The following SETD5 variants were observed in gnomAD, a reference collection of about 807,000 sequenced individuals.
SETD5 encodes SET domain containing 5, also known as histone-lysine N-methyltransferase SETD5.
A neutral mutation model predicts 153.3 loss-of-function variants in SETD5; 44 were observed. The observed-to-expected ratio is 0.29, with a 90% CI of 0.23 to 0.37. The LOEUF is 0.37. Ranked by LOEUF, SETD5 falls within the 10% of genes least tolerant of loss-of-function variation. The pLI, the probability that SETD5 is intolerant of heterozygous loss-of-function variation, is 1.00. For missense variants in SETD5, 1,544 were observed against 1,768.0 expected (o/e 0.87, Z 2.27); for synonymous variants, 716 against 645.2 (o/e 1.11, Z -1.66).
Position 9,448,391 on chromosome 3 carries a change from C to G in SETD5, c.2107C>G (p.Leu703Val). Reference sequence around the variant, plus strand: ...AATGATCTCTTTTTTACCTTAGTATCTAGTTACAGAATGGTTGAATGACAA... The same window carrying G: ...AATGATCTCTTTTTTACCTTAGTATGTAGTTACAGAATGGTTGAATGACAA... The part of the protein sequence containing the change: ...ASKYPKTKKY[L>V]VTEWLNDKAE... Residue 703 changes from leucine to valine, a missense_variant, in exon 16 of 23, where the codon CTA (leucine) becomes GTA (valine). By Grantham distance (32) the Leu-to-Val change is conservative. This residue lies in a region of SETD5 where 782 missense variants were observed against 787.2 expected (regional missense o/e 0.99). Transcript: ENST00000402198. 6.2e-7 allele frequency: 1 copy of G among 1,613,744 alleles called. No homozygotes were observed. The highest frequency in any genetic ancestry group is 8.5e-7 in the Non-Finnish European group (1 of 1,179,756).
intron 18 of SETD5, among the ~76,000 whole-genome samples, chr3:9,466,553 A>G (rs1254045565): frequency 2.6e-5 from 4 of 152,152 alleles, no homozygotes; most frequent in African/African-American, 9.7e-5. Flanking sequence ...TTCACTTGCA[A>G]TTTAAGGAAA....
intron 7 of SETD5, among the ~76,000 whole-genome samples, chr3:9,438,158 G>A (rs2040816539): frequency 6.6e-6 from 1 of 152,196 alleles, no homozygotes; most frequent in African/African-American, 2.4e-5. Context: ...GCACATACCT[G>A]TGAAAGAGTT....
chr3:9,457,491 A>AAT (rs902928838), intron 17 of SETD5, among the ~76,000 whole-genome samples: 16 of 151,120 alleles, frequency 1.1e-4, no homozygotes, highest in East Asian at 9.7e-4. Flanking sequence ...TGTCTCAAAA[A>AAT]ATATATATAT....
rs759402563 is a variant in SETD5, at chr3:9,475,499, G to T, written c.3737G>T (p.Ser1246Ile). The T allele has an allele frequency of 4.3e-5, 69 of 1,612,712 alleles. 1 individual carries two copies. The South Asian group carries it at 7.1e-4, about 17-fold the overall frequency. Residue 1246 changes from serine to isoleucine, a missense_variant, in exon 23 of 23, where the codon AGT becomes ATT. Physicochemically the swap from Ser to Ile is moderately radical, Grantham distance 142. Transcript: ENST00000402198. ...TTTGTCTAGCTCCTGCAGTGTGATAGTCCTCGGACAGAATCACAAAGCCTC... is the reference window on the plus strand; with the variant it reads ...TTTGTCTAGCTCCTGCAGTGTGATATTCCTCGGACAGAATCACAAAGCCTC... ...RYSYQLLQCD[S>I]PRTESQSLLQ...
chr3:9,470,801 G>C lies in SETD5; in HGVS notation c.3067G>C (p.Glu1023Gln). The C allele has an allele frequency of 6.2e-7, 1 of 1,613,722 alleles. No homozygotes were observed. Among genetic ancestry groups the C allele is most frequent in the South Asian group, 1.1e-5 (1 of 91,046 alleles). The part of the protein sequence containing the change: ...HLDGGYCSPA[E>Q]GFSSRYEHGL... ...GGATGGGGGATATTGTTCCCCTGCAGAAGGATTTTCCAGCAGATATGAACA... is the reference window on the plus strand; with the variant it reads ...GGATGGGGGATATTGTTCCCCTGCACAAGGATTTTCCAGCAGATATGAACA... The change falls in exon 19 of 23, where the codon GAA becomes CAA. Residue 1023 changes from glutamate to glutamine, a missense_variant. Physicochemically the swap from Glu to Gln is conservative, Grantham distance 29. This residue lies in a region of SETD5 where 782 missense variants were observed against 787.2 expected (regional missense o/e 0.99). Transcript: ENST00000402198.
Position 9,440,536 on chromosome 3 carries a change from G to T in SETD5, c.648G>T (p.Gln216His), listed in dbSNP as rs2041147400. The T allele has an allele frequency of 6.2e-7, 1 of 1,613,942 alleles. No homozygotes were observed. Among genetic ancestry groups the T allele is most frequent in the Non-Finnish European group, 8.5e-7 (1 of 1,179,824 alleles). Residue 216 changes from glutamine to histidine, a missense_variant, in exon 8 of 23, where the codon CAG becomes CAT. Gln to His is a conservative substitution (Grantham distance 24). This residue lies in a region of SETD5 where 251 missense variants were observed against 326.9 expected (regional missense o/e 0.77). Transcript: ENST00000402198. ...ATCGGATAAGACTATGGACTGACCA[G>T]TATGAAGAAGCTTTCACTAATCAGT... ...WENRIRLWTD[Q>H]YEEAFTNQYS... is the part of the protein sequence containing the mutation.
rs571076189 is a variant in SETD5 at position 9,430,893 on chromosome 3, A to G, written c.71+1884A>G. 81 of 985,450 alleles carry G rather than the reference A, an allele frequency of 8.2e-5. No homozygotes were observed. In the African/African-American group the frequency reaches 1.4e-3, roughly 17 times the overall value. The allele number at this position is 985,450 out of a possible 1,614,324, so 61.0% of individuals were successfully genotyped here. On this transcript the variant is annotated intron_variant, in intron 3 of 22. Coordinates refer to ENST00000402198, the MANE Select transcript of SETD5 (RefSeq NM_001080517.3). ...TCCTAGGATTTCCTGAAACATTTTC[A>G]TTCATGATCTCCAGACAGATTTGTG...
chr3:9,451,164 A>G (rs1173915977), intron 16 of SETD5, among the ~76,000 whole-genome samples: 2 of 152,188 alleles, frequency 1.3e-5, no homozygotes. Flanking sequence ...TGATAATGAA[A>G]CAGTGTGCTT....
At chr3:9,414,604 G>T (rs909963546) in intron 1 of SETD5, among the ~76,000 whole-genome samples, 1 of 152,108 alleles carries the variant, frequency 6.6e-6, no homozygotes, top group Non-Finnish European at 1.5e-5. Context: ...AATAGGTAAT[G>T]GTCCTTAAGG....
intron 13 of SETD5, among the ~76,000 whole-genome samples, 162 bp from the exon 14 acceptor site, chr3:9,446,888 A>C (rs2042084543): frequency 6.6e-6 from 1 of 152,196 alleles, no homozygotes; most frequent in Non-Finnish European, 1.5e-5. Flanking sequence ...CACATTTAAA[A>C]TGAAATATTT....
chr3:9,464,566 C>A lies in SETD5; in HGVS notation c.2618C>A (p.Ser873Ter), dbSNP rs754334071. 6.2e-7 allele frequency: 1 copy of A among 1,614,000 alleles called. No homozygotes were observed. Among genetic ancestry groups the A allele is most frequent in the African/African-American group, 1.3e-5 (1 of 75,066 alleles). Residue 873 changes from serine to a stop codon, truncating the protein, a stop_gained, in exon 18 of 23, where the codon TCA (serine) becomes TAA (stop). Transcript: ENST00000402198. LOFTEE classifies it high-confidence loss of function. ...AGTCCCCAGCTGGCCACACCTGGCTCATCTCACCCAGGAGAAGAGGAGTGT... is the reference window on the plus strand; with the variant it reads ...AGTCCCCAGCTGGCCACACCTGGCTAATCTCACCCAGGAGAAGAGGAGTGT... ...SKSPQLATPG[S>*]SHPGEEECRN...
At chr3:9,464,238 C>G (rs2044305026) in intron 17 of SETD5, among the ~76,000 whole-genome samples, 187 bp from the exon 18 acceptor site, 1 of 152,090 alleles carries the variant, frequency 6.6e-6, no homozygotes, top group African/African-American at 2.4e-5. Flanking sequence ...AGAATGTTTT[C>G]AGAGTTATTT....
At chr3:9,468,954 G>T (rs1052635464) in intron 18 of SETD5, among the ~76,000 whole-genome samples, 11 of 152,122 alleles carry the variant, frequency 7.2e-5, no homozygotes, top group African/African-American at 2.7e-4. Context: ...CAGGAAAGTT[G>T]AGTCAAAAGT....
chr3:9,475,496 A>G lies in SETD5; in HGVS notation c.3734A>G (p.Asp1245Gly), dbSNP rs2045767508. Residue 1245 changes from aspartate to glycine, a missense_variant, in exon 23 of 23, where the codon GAT (aspartate) becomes GGT (glycine). By Grantham distance (94) the Asp-to-Gly change is moderately conservative. This residue lies in a region of SETD5 where 302 missense variants were observed against 277.6 expected (regional missense o/e 1.09). Coordinates refer to ENST00000402198, the MANE Select transcript of SETD5 (RefSeq NM_001080517.3). ...SRYSYQLLQC[D>G]SPRTESQSLL... is the part of the protein sequence containing the mutation. ...AACTTTGTCTAGCTCCTGCAGTGTG[A>G]TAGTCCTCGGACAGAATCACAAAGC... The G allele has an allele frequency of 6.2e-7, 1 of 1,611,678 alleles. No homozygotes were observed. The highest frequency in any genetic ancestry group is 2.2e-5 in the East Asian group (1 of 44,810).
At chr3:9,470,371 T>A (rs1180180441) in intron 18 of SETD5, 88 bp from the exon 19 acceptor site, 2 of 938,734 alleles carry the variant, frequency 2.1e-6, no homozygotes, top group Non-Finnish European at 3.3e-6. Flanking sequence ...CTTTCCCTGT[T>A]CACCTGTGTC....
chr3:9,416,089 C>T (rs1008344098), intron 1 of SETD5, among the ~76,000 whole-genome samples: 6 of 152,018 alleles, frequency 3.9e-5, no homozygotes, highest in Non-Finnish European at 5.9e-5. Flanking sequence ...CACGTGCATC[C>T]AAAATATTTT....
Position 9,476,386 on chromosome 3 carries a change from T to G in SETD5, c.*295T>G, listed in dbSNP as rs2045852191. Reference sequence around the variant, plus strand: ...TAACGGTTCTAAGTGCAATGAGTTGTGTTGAAGCCTCCGTCTCCCATCCTT... The same window carrying G: ...TAACGGTTCTAAGTGCAATGAGTTGGGTTGAAGCCTCCGTCTCCCATCCTT... On this transcript the variant is annotated 3_prime_UTR_variant, in exon 23 of 23. Coordinates refer to ENST00000402198, the MANE Select transcript of SETD5 (RefSeq NM_001080517.3). 6.1e-6 allele frequency: 2 copies of G among 326,514 alleles called. No homozygotes were observed. Among genetic ancestry groups the G allele is most frequent in the Admixed American group, 8.6e-5 (2 of 23,328 alleles). 20.2% of individuals were successfully genotyped at this position (326,514 alleles called of 1,614,324 possible).
At chr3:9,466,953 C>G (rs1245895186) in intron 18 of SETD5, among the ~76,000 whole-genome samples, 2 of 151,928 alleles carry the variant, frequency 1.3e-5, no homozygotes, top group Non-Finnish European at 2.9e-5. Flanking sequence ...CACTTAAGAC[C>G]AGGAGTTTAA....
intron 1 of SETD5, among the ~76,000 whole-genome samples, chr3:9,405,444 TAG>T: frequency 6.6e-6 from 1 of 152,358 alleles, no homozygotes; most frequent in Middle Eastern, 3.4e-3. Flanking sequence ...TTTCATGTCT[TAG>T]AGTTCTTTTT....
Sources: allele counts gnomAD v4.1 joint callset (sites outside exome capture counted in the v4.1 genomes callset), GRCh38; gene constraint gnomAD v4.1.1; regional missense constraint gnomAD v4.1.1; transcripts MANE v1.5; gene names NCBI Gene and HGNC (gene_info 2026-07-23, HGNC 2026-07-21).